IFT140: variants seen among roughly 807,000 people sequenced by gnomAD.
IFT140 encodes the protein intraflagellar transport 140, also known as intraflagellar transport protein 140 homolog.
Under a neutral mutation model 164.6 loss-of-function variants are expected in IFT140, and 133 were observed. The observed-to-expected ratio is 0.81, with a 90% CI of 0.70 to 0.93. The LOEUF (loss-of-function observed/expected upper bound fraction) is 0.93. Among genes scored for constraint, IFT140 ranks in the 40% least tolerant of loss-of-function variants. The probability of loss-of-function intolerance (pLI) is 0.00; values close to 1 mark genes in which losing one functional copy is unlikely to be tolerated. For missense variants in IFT140, 2,045 were observed against 1,972.3 expected, an observed-to-expected ratio of 1.04 and a Z score of -0.70; for synonymous variants, 860 against 817.3, an observed-to-expected ratio of 1.05 and a Z score of -0.89.
At chr16:1,511,583 ATT>A (rs753875831) in intron 30 of IFT140, among the ~76,000 whole-genome samples, 2 of 145,312 alleles carry the variant, frequency 1.4e-5, no homozygotes, top group Admixed American at 6.9e-5. Context: ...TGGCTTGGGT[ATT>A]TTTTTTTTTT....
At chr16:1,604,375 A>G (rs2035956704) in intron 3 of IFT140, 1 of 151,966 alleles carries the variant, frequency 6.6e-6, no homozygotes, top group Admixed American at 6.6e-5. Context: ...GGATTAATGC[A>G]TTAATTACAA....
Position 1,519,898 on chromosome 16 carries a change from C to A in IFT140, c.4023G>T (p.Arg1341Ser). 1.3e-6 allele frequency: 2 copies of A among 1,561,456 alleles called. No homozygotes were observed. Among genetic ancestry groups the A allele is most frequent in the Middle Eastern group, 1.7e-4 (1 of 5,760 alleles). Reference protein sequence around the residue: ...QLQSRMALVKRFIQARRTYTE... With the variant: ...QLQSRMALVKSFIQARRTYTE... Reference sequence around the variant, plus strand: ...GGGCACACCTGCGGGCCTGGATGAACCTCTTCACCAGTGCCATCCTGCTCT... The same window carrying A: ...GGGCACACCTGCGGGCCTGGATGAAACTCTTCACCAGTGCCATCCTGCTCT... The change falls in exon 29 of 31, where the codon AGG becomes AGT. Residue 1341 changes from arginine to serine, a missense_variant. Transcript: ENST00000426508.
At chr16:1,557,702 G>C in intron 19 of IFT140, 1 of 545,120 alleles carries the variant, frequency 1.8e-6, no homozygotes, top group East Asian at 3.0e-5. Flanking sequence ...CTTTCCACTA[G>C]GAAGCAGCTA....
At chr16:1,526,858 G>C (rs957313763) in intron 19 of IFT140, 62 bp from the exon 20 acceptor site, 1 of 1,513,068 alleles carries the variant, frequency 6.6e-7, no homozygotes, top group Non-Finnish European at 8.9e-7. Flanking sequence ...CTGGCCCTAC[G>C]GCCCCTTCTC....
intron 19 of IFT140, among the ~76,000 whole-genome samples, chr16:1,537,352 T>C (rs2031181737): frequency 1.3e-5 from 2 of 152,334 alleles, no homozygotes; most frequent in Middle Eastern, 3.4e-3. Context: ...CCCTGCCCCA[T>C]GGGGCACATG....
In IFT140 at chr16:1,586,284, A is replaced by G. The variant is rs1262153423; in HGVS notation, c.1010-9T>C. The G allele has an allele frequency of 1.9e-6, 3 of 1,609,144 alleles. No homozygotes were observed. The highest frequency in any genetic ancestry group is 1.7e-5 in the Admixed American group (1 of 59,246). On this transcript the variant is annotated splice_polypyrimidine_tract_variant and intron_variant, in intron 9 of 30. Coordinates refer to ENST00000426508, the MANE Select transcript of IFT140 (RefSeq NM_014714.4). The stretch of plus-strand genomic sequence containing the variant: ...ACCAGCGGCCAGAAGACCTACAGGT[A>G]GAAACAAACTGCATGTGAACAGAGT...
intron 16 of IFT140, among the ~76,000 whole-genome samples, chr16:1,565,079 T>A (rs558975829): frequency 1.3e-5 from 2 of 152,076 alleles, no homozygotes; most frequent in East Asian, 3.9e-4. Flanking sequence ...AAGATTCGAA[T>A]GCAGAAAGGA....
Position 1,564,101 on chromosome 16 carries a change from G to C in IFT140, c.1963C>G (p.Gln655Glu), listed in dbSNP as rs772603273. The stretch of plus-strand genomic sequence containing the variant: ...CATACAAACAGCCGGGGCTCACTCT[G>C]GTCCCAGAAGTGGTTCACGGGAACA... ...NYVPVNHFWD[Q>E]SEPRLFVCEA... Residue 655 changes from glutamine (Q) to glutamate (E), a missense_variant, in exon 17 of 31, where the codon CAG becomes GAG. Physicochemically the swap from Gln to Glu is conservative, Grantham distance 29. Transcript: ENST00000426508. The surrounding 1 kb of genome is among the most constrained non-coding windows in gnomAD (Gnocchi z 5.5). 2.5e-6 allele frequency: 4 copies of C among 1,599,598 alleles called. No homozygotes were observed. Among genetic ancestry groups the C allele is most frequent in the Non-Finnish European group, 3.4e-6 (4 of 1,168,892 alleles).
chr16:1,523,844 A>ACCGC lies in IFT140; in HGVS notation c.3250_3253dup (p.Val1085GlyfsTer36), dbSNP rs766084603. On this transcript the variant is annotated frameshift_variant, in exon 25 of 31. Transcript: ENST00000426508. LOFTEE classifies it high-confidence loss of function. ...AGCCCTCACCTTGTGGTACAGCATG[A>ACCGC]CCGCCCTGTCCATCTGCACGCCCTT... The ACCGC allele has an allele frequency of 8.1e-6, 13 of 1,613,098 alleles. No homozygotes were observed. The South Asian group carries it at 1.4e-4, about 18-fold the overall frequency.
chr16:1,563,363 C>T (rs1387706331), intron 17 of IFT140, among the ~76,000 whole-genome samples: 1 of 150,380 alleles, frequency 6.6e-6, no homozygotes, highest in Non-Finnish European at 1.5e-5. Flanking sequence ...GGCGCGATCC[C>T]GGCTCACTCC....
At chr16:1,523,058 G>GA (rs1020146877) in intron 26 of IFT140, among the ~76,000 whole-genome samples, 4 of 151,192 alleles carry the variant, frequency 2.6e-5, no homozygotes, top group African/African-American at 7.3e-5. Flanking sequence ...CTGAGTCTAT[G>GA]AAAAAAAATT....
chr16:1,541,521 G>C, intron 19 of IFT140: 1 of 984,912 alleles, frequency 1.0e-6, no homozygotes, highest in Non-Finnish European at 1.2e-6. Context: ...CTTGGATGCT[G>C]TGAATTCAGT....
At chr16:1,568,174 G>A in intron 15 of IFT140, 43 bp downstream of exon 15, 1 of 1,405,376 alleles carries the variant, frequency 7.1e-7, no homozygotes, top group Non-Finnish European at 9.8e-7. Flanking sequence ...GGAGGACAGA[G>A]GTGAGGAGGC....
In IFT140 at chr16:1,601,092, G is replaced by A. The variant is rs528019809; in HGVS notation, c.369+1278C>T. On this transcript the variant is annotated intron_variant, in intron 4 of 30. Transcript: ENST00000426508. ...AGCCTGGCCCACATGGTGAAACCCCGTCTCTACTAAACATACCAAAAATTA... is the reference window on the plus strand; with the variant it reads ...AGCCTGGCCCACATGGTGAAACCCCATCTCTACTAAACATACCAAAAATTA... Among the ~76,000 whole-genome samples the A allele has an allele frequency of 7.2e-4, 110 of 152,012 alleles. 1 individual carries two copies. The highest frequency in any genetic ancestry group is 1.2e-3 in the Non-Finnish European group (81 of 67,980).
Position 1,589,615 on chromosome 16 carries a change from T to C in IFT140, c.800A>G (p.Glu267Gly). Residue 267 changes from glutamate (E) to glycine (G), a missense_variant, in exon 7 of 31, where the codon GAA (glutamate) becomes GGA (glycine). Transcript: ENST00000426508. ...YTVPPEGKAE[E>G]VMKVKLSGKT... ...CCCACTCCCACTCACCTTCATCACT[T>C]CTTCTGCTTTGCCCTCAGGAGGCAC... 6.2e-7 allele frequency: 1 copy of C among 1,613,798 alleles called. No individual in the cohort carries two copies. The highest frequency in any genetic ancestry group is 8.5e-7 in the Non-Finnish European group (1 of 1,179,764).
At position 1,589,794 on chromosome 16, in the gene IFT140, T is replaced by C; in HGVS notation, c.635-14A>G. 6.2e-7 allele frequency: 1 copy of C among 1,606,668 alleles called. No homozygotes were observed. The highest frequency in any genetic ancestry group is 8.5e-7 in the Non-Finnish European group (1 of 1,173,862). On this transcript the variant is annotated splice_polypyrimidine_tract_variant and intron_variant, in intron 6 of 30. Transcript: ENST00000426508. ...AGTGCACTGTCCCTGGGGACAAACGTGGGGTCACTACATGAGGAGGCCCTG... is the reference window on the plus strand; with the variant it reads ...AGTGCACTGTCCCTGGGGACAAACGCGGGGTCACTACATGAGGAGGCCCTG...
intron 10 of IFT140, among the ~76,000 whole-genome samples, chr16:1,585,608 G>C (rs775442563): frequency 6.6e-6 from 1 of 152,046 alleles, no homozygotes; most frequent in Non-Finnish European, 1.5e-5. Context: ...GGGTTCGTGG[G>C]TAGATACATA....
chr16:1,589,227 A>T (rs1168616215), intron 7 of IFT140, among the ~76,000 whole-genome samples: 1 of 152,170 alleles, frequency 6.6e-6, no homozygotes, highest in African/African-American at 2.4e-5. Context: ...TGTGGAACAA[A>T]CCAGCTGGAA....
intron 1 of IFT140, among the ~76,000 whole-genome samples, chr16:1,611,564 C>T (rs144606894): frequency 1.9e-3 from 289 of 151,052 alleles, no homozygotes; most frequent in Non-Finnish European, 3.4e-3. Flanking sequence ...CCTGCAAACC[C>T]AGTACTTTGG....
Sources: allele counts gnomAD v4.1 joint callset (sites outside exome capture counted in the v4.1 genomes callset), GRCh38; gene constraint gnomAD v4.1.1; non-coding constraint Gnocchi (gnomAD v3.1); transcripts MANE v1.5; gene names NCBI Gene and HGNC (gene_info 2026-07-23, HGNC 2026-07-21).